Variants in AGMO observed in about 807,000 individuals in gnomAD.
AGMO encodes the protein glyceryl-ether monooxygenase.
AGMO carries 75 observed loss-of-function variants against 60.2 expected under a neutral mutation model. That is an observed-to-expected ratio of 1.25 (90% CI 1.03 to 1.51). The LOEUF (loss-of-function observed/expected upper bound fraction) is 1.51, where lower values mean the gene tolerates loss of function less well. AGMO is among the 40% of genes most tolerant of loss of function. The pLI is 0.00. For missense variants in AGMO, 763 were observed against 525.5 expected (o/e 1.45, Z -4.42); for synonymous variants, 261 against 177.1 (o/e 1.47, Z -3.76).
chr7:15,145,184 ACTTTTGAAAAAAGATGAGGTAAAAT>A, the AGMO span, among the ~76,000 whole-genome samples: 8 of 152,246 alleles, frequency 5.3e-5, no homozygotes, highest in East Asian at 1.5e-3. Flanking sequence ...ATTGCCCTAT[ACTTTTGAAAAAAGATGAGGTAAAAT>A]AGTAAATAAA....
chr7:15,513,531 C>T (rs1023105076), intron 3 of AGMO, among the ~76,000 whole-genome samples: 1 of 152,028 alleles, frequency 6.6e-6, no homozygotes, highest in Non-Finnish European at 1.5e-5. Context: ...CAAGGCAGAC[C>T]CTGAGCTTTT....
At chr7:15,167,173 GAA>G in the AGMO span, among the ~76,000 whole-genome samples, 4 of 152,044 alleles carry the variant, frequency 2.6e-5, no homozygotes, top group African/African-American at 9.7e-5. Flanking sequence ...CATGAATATT[GAA>G]AAGTTATTTC....
intron 12 of AGMO, among the ~76,000 whole-genome samples, chr7:15,316,197 A>T (rs1184382781): frequency 1.3e-5 from 2 of 152,146 alleles, no homozygotes; most frequent in Admixed American, 1.3e-4. Flanking sequence ...AATGGAGAGG[A>T]CAGAACACTT....
rs77875274 is a variant in AGMO, at chr7:15,447,065, T to C, written c.410-15957A>G. On this transcript the variant is annotated intron_variant, in intron 3 of 12. Coordinates refer to ENST00000342526, the MANE Select transcript of AGMO (RefSeq NM_001004320.2). ...TGAGATGAAAGGGAATAAATGAATATTGTAGCTGAAAGGTTAGATAAACAG... is the reference window on the plus strand; with the variant it reads ...TGAGATGAAAGGGAATAAATGAATACTGTAGCTGAAAGGTTAGATAAACAG... 2.2e-4 allele frequency among the ~76,000 whole-genome samples: 33 copies of C among 152,332 alleles called. No individual in the cohort carries two copies. The East Asian group carries it at 5.8e-3, about 27-fold the overall frequency.
intron 5 of AGMO, among the ~76,000 whole-genome samples, chr7:15,416,040 T>C (rs1205864364): frequency 1.3e-5 from 2 of 149,712 alleles, no homozygotes; most frequent in African/African-American, 2.5e-5. Flanking sequence ...TTTTTTTTTT[T>C]TTTTGGAGGT....
intron 3 of AGMO, among the ~76,000 whole-genome samples, chr7:15,446,399 A>G (rs1004815414): frequency 6.6e-6 from 1 of 152,136 alleles, no homozygotes; most frequent in Non-Finnish European, 1.5e-5. Flanking sequence ...TAAATGACCA[A>G]AAAAAACCCC....
intron 10 of AGMO, among the ~76,000 whole-genome samples, chr7:15,382,685 T>C (rs868759338): frequency 6.6e-6 from 1 of 152,206 alleles, no homozygotes; most frequent in Non-Finnish European, 1.5e-5. Flanking sequence ...TTAGAAGCGC[T>C]GCATGTTTGA....
chr7:15,394,296 G>C, intron 5 of AGMO, 117 bp from the exon 6 acceptor site: 1 of 770,516 alleles, frequency 1.3e-6, no homozygotes, highest in Non-Finnish European at 2.1e-6. Context: ...TTCAGGGTTG[G>C]TATCAGAGAG....
chr7:15,468,881 T>C (rs1054150082), intron 3 of AGMO, among the ~76,000 whole-genome samples: 10 of 152,132 alleles, frequency 6.6e-5, no homozygotes, highest in African/African-American at 2.2e-4. Context: ...ATAAATTTCA[T>C]TAAAATGCTG....
chr7:15,390,617 A>C (rs192116109), intron 8 of AGMO, 54 bp downstream of exon 8: 2 of 1,367,922 alleles, frequency 1.5e-6, no homozygotes, highest in Non-Finnish European at 2.0e-6. Context: ...TCTCTTAACT[A>C]TAAGATTTAT....
At chr7:15,437,089 G>A (rs1458237532) in intron 3 of AGMO, among the ~76,000 whole-genome samples, 1 of 152,030 alleles carries the variant, frequency 6.6e-6, no homozygotes, top group East Asian at 1.9e-4. Context: ...CTAAGTAAAT[G>A]AAATAAAATT....
chr7:15,152,818 T>C, the AGMO span, among the ~76,000 whole-genome samples: 3 of 152,176 alleles, frequency 2.0e-5, no homozygotes, highest in Admixed American at 2.0e-4. Context: ...TATGCAAGTA[T>C]CTTTTTTGTA....
intron 12 of AGMO, among the ~76,000 whole-genome samples, chr7:15,337,746 C>T (rs1056907929): frequency 2.0e-5 from 3 of 152,202 alleles, no homozygotes; most frequent in African/African-American, 7.2e-5. Flanking sequence ...CTTTGTCCAC[C>T]TGCTTCTGAG....
chr7:15,265,489 T>A (rs1304753646), intron 12 of AGMO, among the ~76,000 whole-genome samples: 1 of 151,948 alleles, frequency 6.6e-6, no homozygotes, highest in East Asian at 1.9e-4. Flanking sequence ...CTGATTACAA[T>A]GTTTATATTA....
chr7:15,278,406 T>C (rs780289786), intron 12 of AGMO, among the ~76,000 whole-genome samples: 1 of 152,030 alleles, frequency 6.6e-6, no homozygotes, highest in Non-Finnish European at 1.5e-5. Flanking sequence ...AGATGGCCCA[T>C]TCAATGGCAT....
rs1254523689 is a variant in AGMO at position 15,383,904 on chromosome 7, T to A, written c.1074+1542A>T. On this transcript the variant is annotated intron_variant, in intron 10 of 12. Coordinates refer to ENST00000342526, the MANE Select transcript of AGMO (RefSeq NM_001004320.2). ...TCTGTTTATGTATTGACTTTAGCACTGTGTAATGGATGATTAATTTAGTCC... is the reference window on the plus strand; with the variant it reads ...TCTGTTTATGTATTGACTTTAGCACAGTGTAATGGATGATTAATTTAGTCC... Among the ~76,000 whole-genome samples, 8 of 152,126 alleles carry A rather than the reference T, an allele frequency of 5.3e-5. 1 individual carries two copies. The highest frequency in any genetic ancestry group is 1.9e-4 in the African/African-American group (8 of 41,428).
At chr7:15,403,117 C>T (rs183558474) in intron 5 of AGMO, among the ~76,000 whole-genome samples, 72 of 151,970 alleles carry the variant, frequency 4.7e-4, no homozygotes, top group South Asian at 4.1e-4. Flanking sequence ...ATTACTATTT[C>T]GCAGTAGAGA....
intron 3 of AGMO, among the ~76,000 whole-genome samples, chr7:15,444,631 C>G (rs1209912256): frequency 6.6e-6 from 1 of 152,192 alleles, no homozygotes; most frequent in African/African-American, 2.4e-5. Flanking sequence ...TCTGCTCCAA[C>G]TGGGTGCATT....
the AGMO span, among the ~76,000 whole-genome samples, chr7:15,131,859 A>G: frequency 6.6e-6 from 1 of 151,958 alleles, no homozygotes; most frequent in African/African-American, 2.4e-5. Context: ...GCAAGCTGCC[A>G]TGAGAACAAC....
Sources: gnomAD v4.1 joint callset for allele counts (sites outside exome capture counted in the v4.1 genomes callset) on GRCh38, gnomAD v4.1.1 for gene constraint, MANE v1.5 for transcripts, NCBI Gene and HGNC (gene_info 2026-07-23, HGNC 2026-07-21) for gene names.